Variants in SLC6A6 observed in about 807,000 individuals in gnomAD.
SLC6A6 encodes sodium- and chloride-dependent taurine transporter.
In SLC6A6, 16 loss-of-function variants were observed where a neutral mutation model predicts 68.8. The ratio of observed to expected loss-of-function variants is 0.23; its 90% CI spans 0.16 to 0.35. SLC6A6 has a LOEUF of 0.35. Among genes scored for constraint, SLC6A6 ranks in the 10% least tolerant of loss-of-function variants. The pLI is 1.00. For synonymous variants in SLC6A6, 312 were observed against 315.4 expected (o/e 0.99, Z 0.12); for missense variants, 474 against 802.8 (o/e 0.59, Z 4.95).
chr3:14,446,974 T>C (rs1429811760), intron 4 of SLC6A6, among the ~76,000 whole-genome samples: 1 of 152,186 alleles, frequency 6.6e-6, no homozygotes, highest in Non-Finnish European at 1.5e-5. Flanking sequence ...CACTCAGTAA[T>C]TAGACTATCC....
At chr3:14,415,038 A>G (rs968244255) in intron 1 of SLC6A6, among the ~76,000 whole-genome samples, 1 of 152,230 alleles carries the variant, frequency 6.6e-6, no homozygotes, top group African/African-American at 2.4e-5. Context: ...AACCCACAGC[A>G]GACATCACTA....
At chr3:14,426,516 TAC>T (rs1699603861) in intron 2 of SLC6A6, among the ~76,000 whole-genome samples, 2 of 152,228 alleles carry the variant, frequency 1.3e-5, no homozygotes, top group South Asian at 2.1e-4. Flanking sequence ...TCTAAGATGC[TAC>T]ACAGTCTCGC....
chr3:14,477,269 G>T lies in SLC6A6; in HGVS notation c.1274G>T (p.Gly425Val). 6.2e-7 allele frequency: 1 copy of T among 1,613,540 alleles called. No individual in the cohort carries two copies. Among genetic ancestry groups the T allele is most frequent in the Non-Finnish European group, 8.5e-7 (1 of 1,179,472 alleles). Reference protein sequence around the residue: ...VDLYPSFLRKGYRREIFIAFV... With the variant: ...VDLYPSFLRKVYRREIFIAFV... ...CTTTACCCATCCTTCCTAAGGAAGG[G>T]TTATCGTCGGGAAATCTTCATCGCC... Residue 425 changes from glycine (G) to valine (V), a missense_variant, in exon 11 of 15, where the codon GGT (glycine) becomes GTT (valine). Transcript: ENST00000622186. The surrounding 1 kb of genome is among the most constrained non-coding windows in gnomAD (Gnocchi z 4.2).
chr3:14,472,113 T>G lies in SLC6A6; in HGVS notation c.1097-92T>G, dbSNP rs1700765308. On this transcript the variant is annotated intron_variant, in intron 9 of 14. Transcript: ENST00000622186. The surrounding 1 kb of genome is among the most constrained non-coding windows in gnomAD (Gnocchi z 4.5). ...GACCTGGCTCCCTGCTGTATTTGGGTCTGAGTGTCTTTGTGTGAGCCCAGG... is the reference window on the plus strand; with the variant it reads ...GACCTGGCTCCCTGCTGTATTTGGGGCTGAGTGTCTTTGTGTGAGCCCAGG... The G allele has an allele frequency of 1.3e-6, 1 of 758,070 alleles. No homozygotes were observed. Among genetic ancestry groups the G allele is most frequent in the African/African-American group, 1.7e-5 (1 of 57,702 alleles). 47.0% of individuals were successfully genotyped at this position (758,070 alleles called of 1,614,324 possible).
chr3:14,481,259 G>A lies in SLC6A6; in HGVS notation c.1552-412G>A, dbSNP rs1210825509. On this transcript the variant is annotated intron_variant, in intron 13 of 14. Transcript: ENST00000622186. This position sits in a 1 kb window ranked among gnomAD's most constrained non-coding sequence, Gnocchi z 4.7. The stretch of plus-strand genomic sequence containing the variant: ...CCAAGTTAGGATGAGAAGATGTGGG[G>A]GAAAGAGGGCCAGGCAGAGGAAACA... 6.6e-6 allele frequency among the ~76,000 whole-genome samples: 1 copy of A among 152,154 alleles called. No homozygotes were observed. The highest frequency in any genetic ancestry group is 1.5e-5 in the Non-Finnish European group (1 of 68,026).
intron 2 of SLC6A6, among the ~76,000 whole-genome samples, chr3:14,423,573 C>T (rs778282344): frequency 6.6e-6 from 1 of 152,140 alleles, no homozygotes; most frequent in African/African-American, 2.4e-5. Context: ...CAAGGTCACA[C>T]AGCACCTTGA....
At chr3:14,405,117 C>T (rs1034852081) in intron 1 of SLC6A6, among the ~76,000 whole-genome samples, 4 of 152,180 alleles carry the variant, frequency 2.6e-5, no homozygotes, top group African/African-American at 9.7e-5. Flanking sequence ...CACTGATATC[C>T]TCGGGAGTTG....
At chr3:14,409,392 A>G (rs1440493859) in intron 1 of SLC6A6, among the ~76,000 whole-genome samples, 1 of 152,228 alleles carries the variant, frequency 6.6e-6, no homozygotes, top group Admixed American at 6.5e-5. Context: ...GAAGGAACTC[A>G]TATTTATTGA....
At chr3:14,458,569 G>A (rs113286779) in intron 6 of SLC6A6, among the ~76,000 whole-genome samples, 8 of 152,362 alleles carry the variant, frequency 5.3e-5, no homozygotes, top group African/African-American at 9.6e-5. Context: ...CATCAGCATT[G>A]CAGGGAGCTT....
chr3:14,479,854 G>C (rs1221170648), intron 13 of SLC6A6, among the ~76,000 whole-genome samples: 1 of 152,228 alleles, frequency 6.6e-6, no homozygotes, highest in Non-Finnish European at 1.5e-5. Context: ...CCATGGCAAA[G>C]CCGTCAGGGT....
intron 1 of SLC6A6, among the ~76,000 whole-genome samples, chr3:14,415,450 C>T (rs201839904): frequency 6.6e-6 from 1 of 152,228 alleles, no homozygotes; most frequent in East Asian, 1.9e-4. Context: ...GTCCTGGAGG[C>T]CTCTGTCTGC....
At chr3:14,438,579 C>A (rs1434440924) in intron 2 of SLC6A6, among the ~76,000 whole-genome samples, 1 of 152,224 alleles carries the variant, frequency 6.6e-6, no homozygotes, top group African/African-American at 2.4e-5. Context: ...TCATCCAGGT[C>A]TCTTCTTGCC....
intron 10 of SLC6A6, among the ~76,000 whole-genome samples, chr3:14,476,967 G>A (rs148718662): frequency 6.6e-6 from 1 of 152,304 alleles, no homozygotes; most frequent in East Asian, 1.9e-4. Flanking sequence ...TGGCCAGCTC[G>A]GTGTGGACCA....
At chr3:14,475,586 G>A (rs1214665341) in intron 10 of SLC6A6, among the ~76,000 whole-genome samples, 1 of 152,240 alleles carries the variant, frequency 6.6e-6, no homozygotes, top group Non-Finnish European at 1.5e-5. Flanking sequence ...GAAGAGGCTG[G>A]TGGAGAAGGG....
intron 6 of SLC6A6, 45 bp downstream of exon 6, chr3:14,458,127 C>T: frequency 1.3e-6 from 2 of 1,582,420 alleles, no homozygotes; most frequent in Admixed American, 1.7e-5. Context: ...GAGAGCTGTG[C>T]CAGGCTGGCC....
intron 2 of SLC6A6, among the ~76,000 whole-genome samples, chr3:14,424,472 T>G: frequency 6.8e-6 from 1 of 146,266 alleles, no homozygotes; most frequent in African/African-American, 2.6e-5. Flanking sequence ...TGGTAGAGAG[T>G]GGAAGCCTGT....
At position 14,485,289 on chromosome 3, in the gene SLC6A6, A is replaced by G; in HGVS notation, c.*282A>G. On this transcript the variant is annotated 3_prime_UTR_variant, in exon 15 of 15. Transcript: ENST00000622186. ...TTTCATACTGAATTAGATGTATTTT[A>G]TGGGAATTTGGTAAATTTTTCTTTG... The G allele has an allele frequency of 3.8e-6, 1 of 265,408 alleles. No individual in the cohort carries two copies. The highest frequency in any genetic ancestry group is 7.1e-6 in the Non-Finnish European group (1 of 141,630). The allele number at this position is 265,408 out of a possible 1,614,324, so 16.4% of individuals were successfully genotyped here. A position where few individuals can be genotyped will look rare whatever the true frequency, so the allele number is the denominator to read the frequency against.
At chr3:14,432,561 C>G (rs1285282912) in intron 2 of SLC6A6, 1 of 152,338 alleles carries the variant, frequency 6.6e-6, no homozygotes, top group African/African-American at 2.4e-5. Flanking sequence ...GACCCTTCAC[C>G]CAGCCCCTGC....
chr3:14,453,053 C>T (rs747648791), intron 5 of SLC6A6, among the ~76,000 whole-genome samples: 11 of 152,240 alleles, frequency 7.2e-5, no homozygotes, highest in East Asian at 1.9e-4. Context: ...AAAGAGGAGG[C>T]GGTGGAGAAA....
Sources: gnomAD v4.1 joint callset for allele counts (sites outside exome capture counted in the v4.1 genomes callset) on GRCh38, gnomAD v4.1.1 for gene constraint, Gnocchi (gnomAD v3.1) non-coding constraint, MANE v1.5 for transcripts, NCBI Gene and HGNC (gene_info 2026-07-23, HGNC 2026-07-21) for gene names.